ATP9A: variants seen among roughly 807,000 people sequenced by gnomAD.
ATP9A encodes probable phospholipid-transporting ATPase IIA.
ATP9A carries 52 observed loss-of-function variants against 144.1 expected under a neutral mutation model. That is an observed-to-expected ratio of 0.36 (90% confidence interval 0.29 to 0.45). The LOEUF (loss-of-function observed/expected upper bound fraction) is 0.45, where lower values mean the gene tolerates loss of function less well. Ranked by LOEUF, ATP9A falls within the 20% of genes least tolerant of loss-of-function variation. The pLI, the probability that ATP9A is intolerant of heterozygous loss-of-function variation, is 1.00. For missense variants in ATP9A, 947 were observed against 1,392.7 expected (o/e 0.68, Z 5.09); for synonymous variants, 582 against 557.4 (o/e 1.04, Z -0.62).
At chr20:51,759,250 G>A (rs982439776) in intron 1 of ATP9A, among the ~76,000 whole-genome samples, 3 of 152,244 alleles carry the variant, frequency 2.0e-5, no homozygotes, top group African/African-American at 7.2e-5. Flanking sequence ...CCAGAGAGGG[G>A]AAGGTCGGTG....
chr20:51,651,746 T>C (rs1354024389), intron 14 of ATP9A, among the ~76,000 whole-genome samples: 1 of 151,986 alleles, frequency 6.6e-6, no homozygotes, highest in Non-Finnish European at 1.5e-5. Flanking sequence ...CTGGCCAGCA[T>C]GGTGAAACCC....
intron 2 of ATP9A, among the ~76,000 whole-genome samples, chr20:51,726,706 G>C (rs2077714934): frequency 6.6e-6 from 1 of 151,654 alleles, no homozygotes; most frequent in African/African-American, 2.4e-5. Flanking sequence ...AGCCTCCCAA[G>C]TAGCTGAAAC....
At chr20:51,718,376 G>T (rs749882209) in intron 3 of ATP9A, among the ~76,000 whole-genome samples, 1 of 151,192 alleles carries the variant, frequency 6.6e-6, no homozygotes, top group Non-Finnish European at 1.5e-5. Context: ...GTGTGTGTGG[G>T]GGGGGGTTGT....
intron 3 of ATP9A, among the ~76,000 whole-genome samples, chr20:51,715,586 T>C (rs910825856): frequency 1.1e-4 from 17 of 152,172 alleles, no homozygotes; most frequent in Non-Finnish European, 2.1e-4. Context: ...CTAACCTCCC[T>C]GCTGCAAATA....
At chr20:51,671,880 C>G (rs2077457562) in intron 11 of ATP9A, among the ~76,000 whole-genome samples, 1 of 152,060 alleles carries the variant, frequency 6.6e-6, no homozygotes, top group Admixed American at 6.6e-5. Context: ...CTCACCACAA[C>G]CTTTGCCTCC....
intron 1 of ATP9A, among the ~76,000 whole-genome samples, chr20:51,766,330 A>G (rs942617103): frequency 6.6e-5 from 10 of 152,176 alleles, no homozygotes; most frequent in African/African-American, 2.4e-4. Context: ...CAGGACACCC[A>G]CACCTGTTGG....
intron 4 of ATP9A, among the ~76,000 whole-genome samples, chr20:51,706,333 T>A (rs1172898546): frequency 6.6e-6 from 1 of 152,250 alleles, no homozygotes. Context: ...TAGCTCATCA[T>A]CCAAGACAGG....
At chr20:51,751,139 T>C (rs1018062236) in intron 1 of ATP9A, among the ~76,000 whole-genome samples, 4 of 152,258 alleles carry the variant, frequency 2.6e-5, no homozygotes, top group Non-Finnish European at 5.9e-5. Context: ...ATCCTCCTTC[T>C]GGCTCCAGTG....
chr20:51,745,626 A>C (rs1319431908), intron 1 of ATP9A, among the ~76,000 whole-genome samples: 2 of 152,036 alleles, frequency 1.3e-5, no homozygotes, highest in African/African-American at 2.4e-5. Context: ...AACATCCTAC[A>C]ATGCCCAGGA....
chr20:51,604,190 G>A (rs1416143123), intron 27 of ATP9A, among the ~76,000 whole-genome samples: 1 of 151,968 alleles, frequency 6.6e-6, no homozygotes, highest in East Asian at 1.9e-4. Flanking sequence ...CTCACTTAAT[G>A]TGTGTTTATC....
At chr20:51,640,074 G>A (rs753765716) in intron 14 of ATP9A, among the ~76,000 whole-genome samples, 1 of 152,062 alleles carries the variant, frequency 6.6e-6, no homozygotes, top group Non-Finnish European at 1.5e-5. Context: ...GACATAGCGA[G>A]ACTCTGTCCC....
At chr20:51,712,744 A>C (rs2077645059) in intron 4 of ATP9A, among the ~76,000 whole-genome samples, 1 of 152,192 alleles carries the variant, frequency 6.6e-6, no homozygotes, top group Non-Finnish European at 1.5e-5. Flanking sequence ...ATTTGACAAG[A>C]CCAACACCAA....
At chr20:51,629,238 A>C (rs545780738) in intron 15 of ATP9A, among the ~76,000 whole-genome samples, 166 bp from the exon 16 acceptor site, 12 of 152,366 alleles carry the variant, frequency 7.9e-5, no homozygotes, top group Non-Finnish European at 1.5e-4. Context: ...TTAGGGGCAA[A>C]GGCTACAGAA....
intron 9 of ATP9A, among the ~76,000 whole-genome samples, chr20:51,687,809 G>A (rs937985420): frequency 7.4e-5 from 10 of 134,706 alleles, no homozygotes; most frequent in African/African-American, 2.6e-4. Flanking sequence ...GAATGAAAGA[G>A]AGAAGCAACC....
rs1336596578 is a variant in ATP9A at position 51,634,687 on chromosome 20, C to G, written c.1668+4656G>C. Among the ~76,000 whole-genome samples the G allele has an allele frequency of 2.0e-5, 3 of 151,990 alleles. No homozygotes were observed. In the East Asian group the frequency reaches 5.8e-4, roughly 29 times the overall value. On this transcript the variant is annotated intron_variant, in intron 15 of 27. Transcript: ENST00000338821. ...CCTGGCCAACATGGAGAAACCCCAT[C>G]TCTACTAAAAATACGAAATTAGCCG...
At chr20:51,681,711 C>T (rs1226518848) in intron 9 of ATP9A, among the ~76,000 whole-genome samples, 4 of 152,120 alleles carry the variant, frequency 2.6e-5, no homozygotes, top group Non-Finnish European at 4.4e-5. Context: ...CGTGAGCCAC[C>T]GCGCCCAGCC....
chr20:51,652,352 GCTTT>G (rs1388663257), intron 14 of ATP9A, among the ~76,000 whole-genome samples: 1 of 152,232 alleles, frequency 6.6e-6, no homozygotes, highest in South Asian at 2.1e-4. Flanking sequence ...AGGAAATCCT[GCTTT>G]CTGTTACAGG....
intron 8 of ATP9A, among the ~76,000 whole-genome samples, chr20:51,690,105 G>A (rs1380350331): frequency 9.0e-5 from 7 of 77,488 alleles, no homozygotes; most frequent in South Asian, 5.1e-4. Flanking sequence ...GAAGGAGACC[G>A]TCTCAAAAAA....
intron 19 of ATP9A, among the ~76,000 whole-genome samples, chr20:51,620,793 G>T (rs2077223705): frequency 6.6e-6 from 1 of 152,190 alleles, no homozygotes; most frequent in Admixed American, 6.5e-5. Context: ...TGAAAGGAGG[G>T]GGGAGTGCGT....
Sources: allele counts gnomAD v4.1 joint callset (sites outside exome capture counted in the v4.1 genomes callset), GRCh38; gene constraint gnomAD v4.1.1; transcripts MANE v1.5; gene names NCBI Gene and HGNC (gene_info 2026-07-23, HGNC 2026-07-21).